The following RRAGB variants were observed in gnomAD, a reference collection of about 807,000 sequenced individuals.
The protein encoded by RRAGB is Ras related GTP binding B, also known as ras-related GTP-binding protein B.
RRAGB carries 6 observed loss-of-function variants against 29.3 expected under a neutral mutation model. That is an observed-to-expected ratio of 0.21 (90% CI 0.11 to 0.40). The LOEUF is 0.40. RRAGB is among the 10% of genes least tolerant of loss of function. The pLI is 1.00. For missense variants in RRAGB, 184 were observed against 272.9 expected, an observed-to-expected ratio of 0.67 and a Z score of 2.29; for synonymous variants, 101 against 92.5, an observed-to-expected ratio of 1.09 and a Z score of -0.53.
intron 1 of RRAGB, 144 bp downstream of exon 1, chrX:55,718,563 C>A: frequency 2.4e-6 from 1 of 416,775 alleles, no homozygotes; most frequent in Non-Finnish European, 4.1e-6. Context: ...ATGCTTTGGA[C>A]GACAGGATAA....
At chrX:55,747,306 C>T (rs1340478539) in intron 5 of RRAGB, among the ~76,000 whole-genome samples, 1 of 112,468 alleles carries the variant, frequency 8.9e-6, no homozygotes. Flanking sequence ...TCTTCTTGGC[C>T]AATGCCCTCA....
chrX:55,722,306 G>A (rs1287577478), intron 3 of RRAGB, 21 bp downstream of exon 3: 2 of 1,012,957 alleles, frequency 2.0e-6, no homozygotes, highest in South Asian at 4.0e-5. Context: ...TTATCTTATT[G>A]TAAAGTCAGG....
At chrX:55,732,742 A>T (rs2033726969) in intron 5 of RRAGB, among the ~76,000 whole-genome samples, 1 of 111,768 alleles carries the variant, frequency 8.9e-6, no homozygotes, top group Admixed American at 9.5e-5. Context: ...AATAATTAAT[A>T]TGGTTTTACT....
chrX:55,752,314 A>G, intron 6 of RRAGB: 1 of 753,745 alleles, frequency 1.3e-6, no homozygotes, highest in Non-Finnish European at 1.6e-6. Context: ...ATGGCAATAC[A>G]TAACACGACC....
intron 5 of RRAGB, among the ~76,000 whole-genome samples, chrX:55,744,401 A>AG (rs2034178727): frequency 9.6e-6 from 1 of 103,758 alleles, no homozygotes; most frequent in African/African-American, 3.4e-5. Context: ...AAAAAAAAAA[A>AG]AAAGTAGTAT....
At chrX:55,719,090 A>G (rs765406262) in intron 1 of RRAGB, among the ~76,000 whole-genome samples, 1 of 111,713 alleles carries the variant, frequency 9.0e-6, no homozygotes, top group Non-Finnish European at 1.9e-5. Flanking sequence ...AAATCTTCCT[A>G]GGAGTTCTCT....
chrX:55,731,165 C>T (rs951144672), intron 4 of RRAGB, among the ~76,000 whole-genome samples, 199 bp from the exon 5 acceptor site: 2 of 111,000 alleles, frequency 1.8e-5, no homozygotes, highest in African/African-American at 3.3e-5. Context: ...ATGATTGACA[C>T]GCTCTGCAAA....
At chrX:55,750,184 A>ATGTGTGTG (rs141091954) in intron 5 of RRAGB, among the ~76,000 whole-genome samples, 2 of 93,980 alleles carry the variant, frequency 2.1e-5, no homozygotes, top group African/African-American at 7.9e-5. Context: ...ATACATACGT[A>ATGTGTGTG]TGTGTGTGTG....
rs1053276330 is a variant in RRAGB, at chrX:55,723,189, C to T, written c.226+904C>T. Among the ~76,000 whole-genome samples, 10 of 110,964 alleles carry T rather than the reference C, an allele frequency of 9.0e-5. No individual in the cohort carries two copies. In the Admixed American group the frequency reaches 9.6e-4, roughly 11 times the overall value. On this transcript the variant is annotated intron_variant, in intron 3 of 9. Transcript: ENST00000374941. ...ATGTATTTTTTGAGATGGAGTCTTG[C>T]GCTCTGTTGCCCATTTTGGAGTGCA... is the stretch of plus-strand genomic sequence containing the variant.
chrX:55,753,704 T>C (rs771256719), intron 7 of RRAGB, among the ~76,000 whole-genome samples, 190 bp downstream of exon 7: 1 of 112,579 alleles, frequency 8.9e-6, no homozygotes, highest in Non-Finnish European at 1.9e-5. Flanking sequence ...TGTAGCTCTT[T>C]GGAAGTTAGT....
intron 2 of RRAGB, among the ~76,000 whole-genome samples, chrX:55,721,736 G>T (rs1416119364): frequency 2.7e-5 from 3 of 111,949 alleles, no homozygotes; most frequent in Non-Finnish European, 5.6e-5. Flanking sequence ...GTAAGTAGAA[G>T]GGATGAGATC....
intron 5 of RRAGB, among the ~76,000 whole-genome samples, chrX:55,737,944 A>G (rs965298612): frequency 8.9e-6 from 1 of 112,342 alleles, no homozygotes; most frequent in Non-Finnish European, 1.9e-5. Flanking sequence ...AATGCCCTTG[A>G]GGAGTCCCTA....
At chrX:55,752,283 G>C in intron 6 of RRAGB, 1 of 752,642 alleles carries the variant, frequency 1.3e-6, no homozygotes, top group Non-Finnish European at 1.6e-6. Context: ...GCACTGATAA[G>C]AACCAACTGC....
At position 55,758,384 on chromosome X, in the gene RRAGB, C is replaced by T. The variant is rs750581033; in HGVS notation, c.*41C>T. ...GTTTCACACAAAAATTAAAAGTTTC[C>T]TAATTAATGTTGTATTCATATATGT... On this transcript the variant is annotated 3_prime_UTR_variant, in exon 10 of 10. Transcript: ENST00000374941. The T allele has an allele frequency of 3.9e-5, 37 of 953,338 alleles. No individual in the cohort carries two copies. The highest frequency in any genetic ancestry group is 5.3e-5 in the Non-Finnish European group (36 of 677,658). 78.6% of individuals were successfully genotyped at this position (953,338 alleles called of 1,213,427 possible). A position where few individuals can be genotyped will look rare whatever the true frequency, so the allele number is the denominator to read the frequency against.
intron 3 of RRAGB, among the ~76,000 whole-genome samples, chrX:55,724,327 A>G (rs1434260432): frequency 1.8e-5 from 2 of 112,019 alleles, no homozygotes; most frequent in Admixed American, 1.9e-4. Context: ...AACAAGTCCA[A>G]TCCCTTTTTC....
intron 5 of RRAGB, among the ~76,000 whole-genome samples, chrX:55,746,892 C>T (rs1438759074): frequency 8.9e-6 from 1 of 112,416 alleles, no homozygotes; most frequent in Non-Finnish European, 1.9e-5. Flanking sequence ...CCTGATCCAA[C>T]TTTATATTTT....
At chrX:55,757,437 A>T (rs1316486617) in intron 9 of RRAGB, 106 bp downstream of exon 9, 2 of 380,424 alleles carry the variant, frequency 5.3e-6, no homozygotes, top group African/African-American at 4.9e-5. Flanking sequence ...TATAGTGGGG[A>T]TGGTTACATA....
intron 2 of RRAGB, 77 bp downstream of exon 2, chrX:55,719,424 A>G (rs2033180014): frequency 5.4e-6 from 4 of 741,004 alleles, no homozygotes; most frequent in Non-Finnish European, 7.7e-6. Context: ...TGACATATAT[A>G]CACCATCTTT....
At chrX:55,729,481 T>G (rs2033598320) in intron 4 of RRAGB, 121 bp downstream of exon 4, 1 of 450,489 alleles carries the variant, frequency 2.2e-6, no homozygotes, top group South Asian at 4.4e-5. Context: ...TAGAATTACT[T>G]TAAAATTGAC....
Sources: gnomAD v4.1 joint callset for allele counts (sites outside exome capture counted in the v4.1 genomes callset) on GRCh38, gnomAD v4.1.1 for gene constraint, MANE v1.5 for transcripts, NCBI Gene and HGNC (gene_info 2026-07-23, HGNC 2026-07-21) for gene names.